Variants in ANKRD17 observed in about 807,000 individuals in gnomAD.
ANKRD17 encodes the protein ankyrin repeat domain-containing protein 17.
Under a neutral mutation model 229.7 loss-of-function variants are expected in ANKRD17, and 19 were observed. The ratio of observed to expected loss-of-function variants is 0.08; its 90% CI spans 0.06 to 0.12. ANKRD17 has a LOEUF of 0.12. Among genes scored for constraint, ANKRD17 ranks in the 10% least tolerant of loss-of-function variants. The pLI, the probability that ANKRD17 is intolerant of heterozygous loss-of-function variation, is 1.00. For synonymous variants in ANKRD17, 1,112 were observed against 1,146.1 expected (o/e 0.97, Z 0.60); for missense variants, 2,176 against 3,176.8 (o/e 0.68, Z 7.57).
chr4:73,258,614 T>A lies in ANKRD17; in HGVS notation c.55A>T (p.Ser19Cys). The A allele has an allele frequency of 6.8e-7, 1 of 1,479,024 alleles. No homozygotes were observed. The highest frequency in any genetic ancestry group is 8.9e-7 in the Non-Finnish European group (1 of 1,125,246). The allele number at this position is 1,479,024 out of a possible 1,614,324, so 91.6% of individuals were successfully genotyped here. The change falls in exon 1 of 34, where the codon AGC (serine) becomes TGC (cysteine). Residue 19 changes from serine to cysteine, a missense_variant. Physicochemically the swap from Ser to Cys is moderately radical, Grantham distance 112. This residue lies in a region of ANKRD17 where 196 missense variants were observed against 190.0 expected (regional missense o/e 1.03). Coordinates refer to ENST00000358602, the MANE Select transcript of ANKRD17 (RefSeq NM_032217.5). ...AAATAAEGEG[S>C]PPAVAAVAGP... ...GCCACAGCCGCCACCGCCGGGGGGC[T>A]CCCTTCTCCTTCTGCAGCCGTCGCC...
intron 1 of ANKRD17, among the ~76,000 whole-genome samples, chr4:73,213,318 G>C (rs1420499950): frequency 6.6e-6 from 1 of 152,298 alleles, no homozygotes; most frequent in Non-Finnish European, 1.5e-5. Context: ...AAATCAAAGA[G>C]TTAGGCTGGC....
intron 29 of ANKRD17, among the ~76,000 whole-genome samples, chr4:73,090,149 C>A (rs187680070): frequency 1.3e-5 from 2 of 152,272 alleles, no homozygotes; most frequent in Admixed American, 1.3e-4. Flanking sequence ...GTGGCTCACG[C>A]CTGTAATCCT....
intron 1 of ANKRD17, among the ~76,000 whole-genome samples, chr4:73,229,861 C>A (rs927739746): frequency 6.6e-6 from 1 of 152,086 alleles, no homozygotes; most frequent in Non-Finnish European, 1.5e-5. Flanking sequence ...TATATTCTCA[C>A]TAAATAAAAT....
intron 2 of ANKRD17, among the ~76,000 whole-genome samples, chr4:73,165,003 G>T (rs1326319141): frequency 1.3e-5 from 2 of 151,650 alleles, no homozygotes; most frequent in East Asian, 3.9e-4. Context: ...GCGTAATTAT[G>T]TTCCTCTCAG....
intron 3 of ANKRD17, among the ~76,000 whole-genome samples, chr4:73,158,285 T>C (rs1415056830): frequency 6.6e-6 from 1 of 152,186 alleles, no homozygotes; most frequent in Middle Eastern, 3.2e-3. Context: ...CTGAAATCCT[T>C]ACAAGATCTG....
chr4:73,090,968 T>C lies in ANKRD17; in HGVS notation c.6660A>G (p.Leu2220=), dbSNP rs1246930828. 1.2e-6 allele frequency: 2 copies of C among 1,614,066 alleles called. No homozygotes were observed. The highest frequency in any genetic ancestry group is 8.5e-7 in the Non-Finnish European group (1 of 1,180,038). ...RPHSVPSSVQ[L]PSTLSTQSAC... is the part of the protein sequence containing the mutation. ...CACTTTGTGTACTTAAGGTCGAAGG[T>C]AGCTGGACAGAAGAGGGAACACTGT... Residue 2220 remains leucine (L), a synonymous_variant, in exon 29 of 34, where the codon CTA becomes CTG. Coordinates refer to ENST00000358602, the MANE Select transcript of ANKRD17 (RefSeq NM_032217.5).
At chr4:73,102,733 G>A (rs1418987522) in intron 24 of ANKRD17, 186 bp from the exon 25 acceptor site, 1 of 582,904 alleles carries the variant, frequency 1.7e-6, no homozygotes, top group Non-Finnish European at 2.8e-6. Context: ...ACAATATCAA[G>A]ATCAAATTAA....
rs33952344 is a variant in ANKRD17, at chr4:73,103,828, GTT to G, written c.4402-1283_4402-1282del. Among the ~76,000 whole-genome samples, 618 of 146,480 alleles carry G rather than the reference GTT, an allele frequency of 4.2e-3. 4 individuals are homozygous for G. Among genetic ancestry groups the G allele is most frequent in the African/African-American group, 0.015 (595 of 39,946 alleles). On this transcript the variant is annotated intron_variant, in intron 24 of 33. Transcript: ENST00000358602. ...CTGCCTTTCAAATTAACCCTCTCCG[GTT>G]TTTTTTTTTTTTAAGCCAAATTTAG...
chr4:73,158,302 G>A (rs1433555645), intron 3 of ANKRD17, among the ~76,000 whole-genome samples: 1 of 152,130 alleles, frequency 6.6e-6, no homozygotes, highest in Admixed American at 6.5e-5. Context: ...TCTGCCTAGT[G>A]GCAGGATACC....
intron 1 of ANKRD17, among the ~76,000 whole-genome samples, chr4:73,185,182 A>C (rs1194920996): frequency 1.3e-5 from 2 of 150,870 alleles, no homozygotes; most frequent in Non-Finnish European, 2.9e-5. Flanking sequence ...CCGAAGAAAA[A>C]ATAATAATAA....
At chr4:73,164,664 C>T (rs940658635) in intron 2 of ANKRD17, among the ~76,000 whole-genome samples, 17 of 151,970 alleles carry the variant, frequency 1.1e-4, no homozygotes, top group Admixed American at 8.5e-4. Flanking sequence ...TGGTGGCATG[C>T]GCCTATAGTC....
rs768504636 is a variant in ANKRD17 at position 73,091,079 on chromosome 4, A to G, written c.6549T>C (p.His2183=). 1.2e-6 allele frequency: 2 copies of G among 1,614,196 alleles called. No homozygotes were observed. The highest frequency in any genetic ancestry group is 1.7e-6 in the Non-Finnish European group (2 of 1,180,036). The part of the protein sequence containing the change: ...METPAIRPPP[H]GTTAPHKNSA... ...AATTCTTGTGAGGGGCAGTTGTGCC[A>G]TGAGGGGGTGGTCTAATAGCAGGGG... is the stretch of plus-strand genomic sequence containing the variant. The change falls in exon 29 of 34, where the codon CAT becomes CAC. Residue 2183 remains histidine (H), a synonymous_variant. Coordinates refer to ENST00000358602, the MANE Select transcript of ANKRD17 (RefSeq NM_032217.5).
chr4:73,127,182 G>T (rs1033577156), intron 16 of ANKRD17, among the ~76,000 whole-genome samples: 1 of 152,050 alleles, frequency 6.6e-6, no homozygotes, highest in African/African-American at 2.4e-5. Context: ...GACTGAGGGG[G>T]TTTCTGGGAT....
At chr4:73,113,290 T>G in intron 24 of ANKRD17, 3 of 1,289,368 alleles carry the variant, frequency 2.3e-6, no homozygotes, top group Non-Finnish European at 3.0e-6. Flanking sequence ...TGGGAATAGA[T>G]GGGAATGATG....
Position 73,205,153 on chromosome 4 carries a change from T to TA in ANKRD17, c.394-27621dup, listed in dbSNP as rs575157600. On this transcript the variant is annotated intron_variant, in intron 1 of 33. Transcript: ENST00000358602. ...AGAAAGCAAGACACCACCTCTACAA[T>TA]AAAAAAATTTAAAGAATTAAAATTT... Among the ~76,000 whole-genome samples, 35 of 151,776 alleles carry TA rather than the reference T, an allele frequency of 2.3e-4. No individual in the cohort carries two copies. In the South Asian group the frequency reaches 5.2e-3, roughly 23 times the overall value.
chr4:73,074,869 A>G lies in ANKRD17; in HGVS notation c.*1362T>C, dbSNP rs762936674. ...TTCCATGAGACAGGGTAGGACACAT[A>G]ATCTTCTTGGATACATTACTGTTTA... is the stretch of plus-strand genomic sequence containing the variant. On this transcript the variant is annotated 3_prime_UTR_variant, in exon 34 of 34. Transcript: ENST00000358602. 29 of 152,466 alleles carry G rather than the reference A, an allele frequency of 1.9e-4. No homozygotes were observed. Among genetic ancestry groups the G allele is most frequent in the Non-Finnish European group, 4.3e-4 (29 of 67,892 alleles). 9.4% of individuals were successfully genotyped at this position (152,466 alleles called of 1,614,324 possible). A position where few individuals can be genotyped will look rare whatever the true frequency, so the allele number is the denominator to read the frequency against.
chr4:73,217,830 A>G (rs191656406), intron 1 of ANKRD17, among the ~76,000 whole-genome samples: 3 of 152,348 alleles, frequency 2.0e-5, no homozygotes, highest in Non-Finnish European at 2.9e-5. Flanking sequence ...TATATAAAAC[A>G]TAAGTAAATC....
intron 1 of ANKRD17, among the ~76,000 whole-genome samples, chr4:73,181,196 G>A (rs930293622): frequency 3.3e-5 from 5 of 152,288 alleles, no homozygotes; most frequent in Non-Finnish European, 5.9e-5. Flanking sequence ...AGTAGGTGGT[G>A]CAAAATGCTA....
Position 73,076,126 on chromosome 4 carries a change from G to T in ANKRD17, c.*105C>A. On this transcript the variant is annotated 3_prime_UTR_variant, in exon 34 of 34. Transcript: ENST00000358602. ...TTCTGCAAAAAGCCTACACACTTCA[G>T]TCAAGCACATCAGTAGAATGATTTG... The T allele has an allele frequency of 2.1e-6, 2 of 954,268 alleles. No homozygotes were observed. Among genetic ancestry groups the T allele is most frequent in the Non-Finnish European group, 3.0e-6 (2 of 667,314 alleles). The allele number at this position is 954,268 out of a possible 1,614,324, so 59.1% of individuals were successfully genotyped here. A position where few individuals can be genotyped will look rare whatever the true frequency, so the allele number is the denominator to read the frequency against.
Sources: allele counts gnomAD v4.1 joint callset (sites outside exome capture counted in the v4.1 genomes callset), GRCh38; gene constraint gnomAD v4.1.1; regional missense constraint gnomAD v4.1.1; transcripts MANE v1.5; gene names NCBI Gene and HGNC (gene_info 2026-07-23, HGNC 2026-07-21).